Variants in PREX2 observed in about 807,000 individuals in gnomAD.
The protein encoded by PREX2 is phosphatidylinositol-3,4,5-trisphosphate dependent Rac exchange factor 2.
A neutral mutation model predicts 203.2 loss-of-function variants in PREX2; 107 were observed. That is an observed-to-expected ratio of 0.53 (90% confidence interval 0.45 to 0.62). The LOEUF (loss-of-function observed/expected upper bound fraction) is 0.62, where lower values mean the gene tolerates loss of function less well. Among genes scored for constraint, PREX2 ranks in the 20% least tolerant of loss-of-function variants. PREX2 has a pLI of 0.00. For synonymous variants in PREX2, 672 were observed against 663.6 expected (o/e 1.01, Z -0.19); for missense variants, 1,777 against 1,955.9 (o/e 0.91, Z 1.72).
At chr8:68,098,453 G>A (rs1010109078) in intron 22 of PREX2, among the ~76,000 whole-genome samples, 1 of 152,038 alleles carries the variant, frequency 6.6e-6, no homozygotes, top group African/African-American at 2.4e-5. Context: ...TTCTGATGAT[G>A]TTGTACCTCT....
chr8:68,010,834 T>C (rs1030634441), intron 1 of PREX2, among the ~76,000 whole-genome samples: 10 of 152,156 alleles, frequency 6.6e-5, no homozygotes, highest in African/African-American at 2.4e-5. Flanking sequence ...ACATCATACA[T>C]TTCCTAATCT....
At chr8:67,976,530 AGAGAGAGACGG>A (rs1806098695) in intron 1 of PREX2, among the ~76,000 whole-genome samples, 1 of 129,038 alleles carries the variant, frequency 7.7e-6, no homozygotes, top group African/African-American at 2.8e-5. Flanking sequence ...AGAGACAGAG[AGAGAGAGACGG>A]GAGAGAGACA....
At chr8:67,986,318 G>A (rs1277138213) in intron 1 of PREX2, among the ~76,000 whole-genome samples, 1 of 150,024 alleles carries the variant, frequency 6.7e-6, no homozygotes, top group Non-Finnish European at 1.5e-5. Flanking sequence ...CACCCAGCTC[G>A]GAAGTAGCAG....
chr8:67,963,094 A>T (rs995138467), intron 1 of PREX2, among the ~76,000 whole-genome samples: 25 of 152,128 alleles, frequency 1.6e-4, no homozygotes, highest in African/African-American at 5.8e-4. Context: ...TACATTTCTC[A>T]GCCTCCCATG....
intron 37 of PREX2, among the ~76,000 whole-genome samples, chr8:68,194,986 A>AC (rs1296909675): frequency 6.6e-6 from 1 of 152,128 alleles, no homozygotes; most frequent in African/African-American, 2.4e-5. Flanking sequence ...CTCTTCTCTT[A>AC]CCCTGGTACA....
intron 21 of PREX2, 118 bp from the exon 22 acceptor site, chr8:68,096,897 CAT>C: frequency 1.3e-6 from 1 of 760,736 alleles, no homozygotes; most frequent in Non-Finnish European, 2.2e-6. Flanking sequence ...TCATTTAACA[CAT>C]CAGATTTAAC....
chr8:68,065,776 C>T (rs1231465334), intron 11 of PREX2, among the ~76,000 whole-genome samples: 1 of 152,084 alleles, frequency 6.6e-6, no homozygotes, highest in Non-Finnish European at 1.5e-5. Context: ...AATATAAACT[C>T]TTTGACTTTT....
intron 1 of PREX2, among the ~76,000 whole-genome samples, chr8:67,992,845 G>T (rs779084180): frequency 6.6e-6 from 1 of 152,160 alleles, no homozygotes; most frequent in African/African-American, 2.4e-5. Flanking sequence ...TTCAGAGGGC[G>T]TAGGGGGTCA....
chr8:68,154,018 C>T (rs1691705395), intron 34 of PREX2, among the ~76,000 whole-genome samples: 2 of 152,292 alleles, frequency 1.3e-5, no homozygotes, highest in South Asian at 2.1e-4. Flanking sequence ...CCATTCTGGC[C>T]AAAGTTGAAC....
chr8:67,954,262 T>C (rs1056164987), intron 1 of PREX2, among the ~76,000 whole-genome samples: 1 of 152,222 alleles, frequency 6.6e-6, no homozygotes, highest in Non-Finnish European at 1.5e-5. Flanking sequence ...CTTTTCATTT[T>C]CTTTGTGCAT....
intron 1 of PREX2, among the ~76,000 whole-genome samples, chr8:67,962,320 G>A (rs1293289672): frequency 6.6e-6 from 1 of 151,828 alleles, no homozygotes; most frequent in African/African-American, 2.4e-5. Flanking sequence ...TGAGACTGTT[G>A]CCCCAAAGAA....
At chr8:68,081,403 G>A (rs1233460017) in intron 17 of PREX2, among the ~76,000 whole-genome samples, 1 of 152,024 alleles carries the variant, frequency 6.6e-6, no homozygotes, top group African/African-American at 2.4e-5. Flanking sequence ...CTGGGATTGG[G>A]GACCCCTGTC....
At position 68,157,419 on chromosome 8, in the gene PREX2, G is replaced by T. The variant is rs762727483; in HGVS notation, c.4329G>T (p.Gln1443His). The change falls in exon 35 of 40, where the codon CAG becomes CAT. Residue 1443 changes from glutamine to histidine, a missense_variant. By Grantham distance (24) the Gln-to-His change is conservative. Transcript: ENST00000288368. ...INAASLEKVKQYNQKLRAFYL... is the reference protein window; with the variant it reads ...INAASLEKVKHYNQKLRAFYL... The stretch of plus-strand genomic sequence containing the variant: ...CAGCCTCACTGGAAAAGGTCAAACA[G>T]TACAACCAGAAGCTCAGGTATGTAA... The T allele has an allele frequency of 6.2e-7, 1 of 1,605,152 alleles. No homozygotes were observed. Among genetic ancestry groups the T allele is most frequent in the South Asian group, 1.1e-5 (1 of 90,744 alleles).
intron 37 of PREX2, among the ~76,000 whole-genome samples, chr8:68,200,486 TAGGAAGAA>T (rs1812479676): frequency 6.6e-6 from 1 of 152,094 alleles, no homozygotes; most frequent in Admixed American, 6.6e-5. Context: ...GTTAAAATTA[TAGGAAGAA>T]ATCAAATATT....
intron 11 of PREX2, 105 bp from the exon 12 acceptor site, chr8:68,068,928 T>TA (rs1491165260): frequency 1.1e-5 from 5 of 465,330 alleles, no homozygotes; most frequent in Admixed American, 4.4e-5. Flanking sequence ...TTTGTAAAAC[T>TA]AAAAGTTTTA....
chr8:68,035,742 C>A (rs1808007537), intron 6 of PREX2, among the ~76,000 whole-genome samples: 1 of 152,028 alleles, frequency 6.6e-6, no homozygotes, highest in Non-Finnish European at 1.5e-5. Flanking sequence ...TATTTCATGC[C>A]ATGATGGTAG....
At chr8:68,034,227 T>C (rs987849897) in intron 6 of PREX2, among the ~76,000 whole-genome samples, 3 of 152,208 alleles carry the variant, frequency 2.0e-5, no homozygotes, top group Admixed American at 2.0e-4. Flanking sequence ...ATATAAGTTA[T>C]GCAACATTCA....
chr8:68,080,302 G>T, intron 15 of PREX2, 141 bp from the exon 16 acceptor site: 1 of 618,116 alleles, frequency 1.6e-6, no homozygotes, highest in Non-Finnish European at 2.7e-6. Context: ...AAAACCCGGG[G>T]CTACTTGTGA....
intron 8 of PREX2, among the ~76,000 whole-genome samples, chr8:68,049,342 T>C (rs1808454327): frequency 6.6e-6 from 1 of 152,024 alleles, no homozygotes. Context: ...GACATCAGTT[T>C]CTTGATGTTT....
Sources: allele counts gnomAD v4.1 joint callset (sites outside exome capture counted in the v4.1 genomes callset), GRCh38; gene constraint gnomAD v4.1.1; transcripts MANE v1.5; gene names NCBI Gene and HGNC (gene_info 2026-07-23, HGNC 2026-07-21).